Variants in FAF1 observed in about 807,000 individuals in gnomAD.
FAF1 encodes the protein Fas associated factor 1.
In FAF1, 25 loss-of-function variants were observed where a neutral mutation model predicts 92.5. The ratio of observed to expected loss-of-function variants is 0.27; its 90% confidence interval spans 0.20 to 0.38. The LOEUF (loss-of-function observed/expected upper bound fraction) is 0.38. FAF1 is among the 10% of genes least tolerant of loss of function. The pLI is 1.00. For missense variants in FAF1, 636 were observed against 793.3 expected (o/e 0.80, Z 2.38); for synonymous variants, 234 against 273.2 (o/e 0.86, Z 1.42).
At chr1:50,509,609 A>G (rs1647107591) in intron 15 of FAF1, among the ~76,000 whole-genome samples, 1 of 152,052 alleles carries the variant, frequency 6.6e-6, no homozygotes, top group Non-Finnish European at 1.5e-5. Flanking sequence ...GAGAATGTCA[A>G]TAAATAAATA....
At chr1:50,714,925 T>TA (rs1266535591) in intron 6 of FAF1, 1 of 380,454 alleles carries the variant, frequency 2.6e-6, no homozygotes, top group African/African-American at 2.1e-5. Context: ...AAATGATATT[T>TA]ATATACACAT....
intron 8 of FAF1, among the ~76,000 whole-genome samples, chr1:50,621,800 A>C (rs1482183821): frequency 1.3e-5 from 2 of 152,106 alleles, no homozygotes; most frequent in African/African-American, 4.8e-5. Flanking sequence ...AATCTCTGCC[A>C]GAGCTGACCA....
At chr1:50,652,617 C>G (rs1654917129) in intron 8 of FAF1, among the ~76,000 whole-genome samples, 1 of 152,088 alleles carries the variant, frequency 6.6e-6, no homozygotes. Flanking sequence ...TGAAAATTTT[C>G]AAATATATAC....
chr1:50,690,831 T>C (rs1450803842), intron 7 of FAF1, among the ~76,000 whole-genome samples: 1 of 152,214 alleles, frequency 6.6e-6, no homozygotes, highest in African/African-American at 2.4e-5. Flanking sequence ...CGTAATTATA[T>C]AATATGTGGC....
At chr1:50,885,312 T>TCTCTCACA (rs906105476) in intron 1 of FAF1, among the ~76,000 whole-genome samples, 3 of 137,368 alleles carry the variant, frequency 2.2e-5, no homozygotes, top group African/African-American at 8.6e-5. Flanking sequence ...TCTCTCTCTC[T>TCTCTCACA]CACACACACA....
intron 8 of FAF1, among the ~76,000 whole-genome samples, chr1:50,637,681 A>ATATATGTG (rs1553123409): frequency 0.013 from 1,829 of 137,112 alleles, 18 homozygotes; most frequent in Middle Eastern, 0.042. Flanking sequence ...ACATATATAT[A>ATATATGTG]TGTGTGTGTG....
At chr1:50,732,864 T>C (rs1336831837) in intron 6 of FAF1, among the ~76,000 whole-genome samples, 3 of 152,182 alleles carry the variant, frequency 2.0e-5, no homozygotes, top group Non-Finnish European at 4.4e-5. Flanking sequence ...TTCCTTTCTT[T>C]CTTCTAGATG....
At chr1:50,800,834 G>A (rs1382673803) in intron 3 of FAF1, among the ~76,000 whole-genome samples, 5 of 152,144 alleles carry the variant, frequency 3.3e-5, no homozygotes, top group Non-Finnish European at 7.3e-5. Context: ...TCATGCTTCA[G>A]TGACTTAGAA....
chr1:50,569,089 C>T (rs1384014887), intron 12 of FAF1, among the ~76,000 whole-genome samples: 1 of 152,086 alleles, frequency 6.6e-6, no homozygotes, highest in African/African-American at 2.4e-5. Context: ...ACAGTATCAG[C>T]CTTCTAGGAA....
chr1:50,647,154 C>T (rs1328015267), intron 8 of FAF1, among the ~76,000 whole-genome samples: 2 of 152,132 alleles, frequency 1.3e-5, no homozygotes, highest in Non-Finnish European at 2.9e-5. Context: ...CAGCCTAGGG[C>T]TCCGGACTTC....
chr1:50,661,193 T>C (rs1655359315), intron 7 of FAF1, among the ~76,000 whole-genome samples: 2 of 152,182 alleles, frequency 1.3e-5, no homozygotes. Flanking sequence ...CACTAATATT[T>C]TCCCCTTATG....
chr1:50,568,823 T>A (rs149072501), intron 12 of FAF1, among the ~76,000 whole-genome samples: 1 of 152,242 alleles, frequency 6.6e-6, no homozygotes, highest in Non-Finnish European at 1.5e-5. Context: ...ATGGAAGCAC[T>A]CATATAACAT....
At position 50,688,800 on chromosome 1, in the gene FAF1, G is replaced by A. The variant is rs574111050; in HGVS notation, c.657+16986C>T. Among the ~76,000 whole-genome samples, 3 of 151,910 alleles carry A rather than the reference G, an allele frequency of 2.0e-5. No homozygotes were observed. The East Asian group carries it at 5.8e-4, about 29-fold the overall frequency. ...GCACTACAGCCTGGGCAACAAGAGC[G>A]AAACTCTATCTCAAAATAAAATAAA... On this transcript the variant is annotated intron_variant, in intron 7 of 18. Coordinates refer to ENST00000396153, the MANE Select transcript of FAF1 (RefSeq NM_007051.3).
intron 1 of FAF1, among the ~76,000 whole-genome samples, chr1:50,942,620 T>G (rs1557598380): frequency 6.6e-6 from 1 of 152,206 alleles, no homozygotes; most frequent in African/African-American, 2.4e-5. Flanking sequence ...CCACCCTACT[T>G]ACTGGCAAGC....
chr1:50,955,340 A>C (rs1265679933), intron 1 of FAF1, among the ~76,000 whole-genome samples: 1 of 152,230 alleles, frequency 6.6e-6, no homozygotes, highest in East Asian at 1.9e-4. Context: ...TTTTAAACCC[A>C]GGAAATTCCT....
At chr1:50,933,417 T>C (rs1014319730) in intron 1 of FAF1, among the ~76,000 whole-genome samples, 1 of 152,204 alleles carries the variant, frequency 6.6e-6, no homozygotes, top group Non-Finnish European at 1.5e-5. Flanking sequence ...ACCAGTCTCT[T>C]TGCTTAAAAC....
intron 4 of FAF1, among the ~76,000 whole-genome samples, chr1:50,775,612 C>A (rs1660927534): frequency 6.6e-6 from 1 of 151,896 alleles, no homozygotes. Flanking sequence ...CTGAAAGGCA[C>A]ATGAGGAGAT....
intron 8 of FAF1, among the ~76,000 whole-genome samples, chr1:50,627,618 C>A (rs1653566092): frequency 6.6e-6 from 1 of 152,020 alleles, no homozygotes; most frequent in South Asian, 2.1e-4. Flanking sequence ...ATAGTACATA[C>A]CGCATGATTC....
intron 8 of FAF1, among the ~76,000 whole-genome samples, chr1:50,648,332 C>T (rs1322168507): frequency 6.6e-6 from 1 of 152,036 alleles, no homozygotes; most frequent in Non-Finnish European, 1.5e-5. Flanking sequence ...TGTAGGTATT[C>T]TAGGTGGAAG....
Sources: allele counts gnomAD v4.1 joint callset (sites outside exome capture counted in the v4.1 genomes callset), GRCh38; gene constraint gnomAD v4.1.1; transcripts MANE v1.5; gene names NCBI Gene and HGNC (gene_info 2026-07-23, HGNC 2026-07-21).